The following RBL1 variants were observed in gnomAD, a reference collection of about 807,000 sequenced individuals.
RBL1 encodes RB transcriptional corepressor like 1.
In RBL1, 82 loss-of-function variants were observed where a neutral mutation model predicts 123.0. The observed-to-expected ratio is 0.67, with a 90% CI of 0.56 to 0.80. The LOEUF (loss-of-function observed/expected upper bound fraction) is 0.80, where lower values mean the gene tolerates loss of function less well. Ranked by LOEUF, RBL1 falls within the 30% of genes least tolerant of loss-of-function variation. The pLI is 0.00. For synonymous variants in RBL1, 405 were observed against 441.3 expected (o/e 0.92, Z 1.03); for missense variants, 1,171 against 1,299.6 (o/e 0.90, Z 1.52).
intron 19 of RBL1, among the ~76,000 whole-genome samples, chr20:37,013,075 G>C (rs951335406): frequency 6.6e-6 from 1 of 152,208 alleles, no homozygotes; most frequent in African/African-American, 2.4e-5. Context: ...CCACCACCCC[G>C]TCTGGGAGGT....
Position 37,061,228 on chromosome 20 carries a change from T to A in RBL1, c.1125A>T (p.Arg375Ser). ...TGACTGCTTCTTTTTCTCGTAAATATCTCCGTCCGGTCAGTGGGGTAGAAG... is the reference window on the plus strand; with the variant it reads ...TGACTGCTTCTTTTTCTCGTAAATAACTCCGTCCGGTCAGTGGGGTAGAAG... ...FAPSTPLTGRRYLREKEAVIT... is the reference protein window; with the variant it reads ...FAPSTPLTGRSYLREKEAVIT... Residue 375 changes from arginine (R) to serine (S), a missense_variant, in exon 9 of 22, where the codon AGA (arginine) becomes AGT (serine). Coordinates refer to ENST00000373664, the MANE Select transcript of RBL1 (RefSeq NM_002895.5). 6.2e-7 allele frequency: 1 copy of A among 1,614,088 alleles called. No homozygotes were observed. The highest frequency in any genetic ancestry group is 1.6e-4 in the Middle Eastern group (1 of 6,062).
intron 21 of RBL1, among the ~76,000 whole-genome samples, chr20:37,002,862 A>T (rs1335887481): frequency 2.0e-5 from 3 of 151,536 alleles, no homozygotes; most frequent in Non-Finnish European, 2.9e-5. Flanking sequence ...AGCTGAGATT[A>T]TAGGTGCGCA....
At chr20:37,091,705 A>G (rs1310044279) in intron 1 of RBL1, among the ~76,000 whole-genome samples, 2 of 151,888 alleles carry the variant, frequency 1.3e-5, no homozygotes, top group Non-Finnish European at 2.9e-5. Flanking sequence ...TAAATCTGAT[A>G]GCACAACACA....
intron 2 of RBL1, among the ~76,000 whole-genome samples, chr20:37,082,867 T>A (rs915510092): frequency 1.3e-5 from 2 of 151,998 alleles, no homozygotes; most frequent in Non-Finnish European, 2.9e-5. Flanking sequence ...CTGGGCATAG[T>A]GGCACACACC....
In RBL1 at chr20:37,080,950, G is replaced by T. The variant is rs2065439450; in HGVS notation, c.290+8039C>A. Among the ~76,000 whole-genome samples the T allele has an allele frequency of 2.0e-5, 3 of 152,158 alleles. No individual in the cohort carries two copies. In the South Asian group the frequency reaches 6.2e-4, roughly 32 times the overall value. On this transcript the variant is annotated intron_variant, in intron 2 of 21. Transcript: ENST00000373664. ...CAAGCCAAGGATCCATCATCAGACT[G>T]TTCCCATAATACCTGTATGCATTGG...
chr20:37,083,512 C>T (rs747038215), intron 2 of RBL1, among the ~76,000 whole-genome samples: 14 of 150,010 alleles, frequency 9.3e-5, no homozygotes, highest in South Asian at 2.1e-4. Flanking sequence ...ACAGGCTGGG[C>T]GCGGTGGCTC....
intron 2 of RBL1, among the ~76,000 whole-genome samples, chr20:37,072,710 A>G (rs1276143413): frequency 6.6e-6 from 1 of 152,114 alleles, no homozygotes; most frequent in Non-Finnish European, 1.5e-5. Context: ...AGAGAAGTGA[A>G]GAAGTGGTGA....
In RBL1 at chr20:37,068,193, A is replaced by T. The variant is rs1420344742; in HGVS notation, c.291-7T>A. 5 of 1,546,276 alleles carry T rather than the reference A, an allele frequency of 3.2e-6. No homozygotes were observed. The highest frequency in any genetic ancestry group is 4.3e-6 in the Non-Finnish European group (5 of 1,152,804). On this transcript the variant is annotated splice_region_variant and splice_polypyrimidine_tract_variant and intron_variant, in intron 2 of 21. Transcript: ENST00000373664. ...ACTAAAAAATTGTATTAAACTAAAA[A>T]AAAAAAGGAGGAGAAAAAAGGCACC...
At chr20:37,069,487 G>C (rs536582670) in intron 2 of RBL1, among the ~76,000 whole-genome samples, 1 of 150,438 alleles carries the variant, frequency 6.6e-6, no homozygotes, top group South Asian at 2.1e-4. Context: ...CCTCTGCCCC[G>C]CCACCCCGTC....
At chr20:37,050,461 C>T (rs549568950) in intron 11 of RBL1, among the ~76,000 whole-genome samples, 4 of 133,344 alleles carry the variant, frequency 3.0e-5, no homozygotes, top group East Asian at 2.6e-4. Context: ...AGGAGAATGG[C>T]GTGAACCTGG....
chr20:37,057,010 TAC>T (rs2065021845), intron 9 of RBL1, among the ~76,000 whole-genome samples: 1 of 109,348 alleles, frequency 9.1e-6, no homozygotes, highest in Non-Finnish European at 2.1e-5. Flanking sequence ...TCTATCTACC[TAC>T]CTACCTACCT....
intron 2 of RBL1, among the ~76,000 whole-genome samples, chr20:37,073,460 G>A (rs1307276907): frequency 6.6e-6 from 1 of 152,074 alleles, no homozygotes; most frequent in South Asian, 2.1e-4. Flanking sequence ...CACTTTGGGT[G>A]ACTGAGGTGG....
At chr20:37,005,150 T>C (rs893393608) in intron 20 of RBL1, among the ~76,000 whole-genome samples, 2 of 152,094 alleles carry the variant, frequency 1.3e-5, no homozygotes, top group Admixed American at 1.3e-4. Context: ...GGCTCATGCC[T>C]GTAATCCCAA....
intron 21 of RBL1, among the ~76,000 whole-genome samples, chr20:37,000,168 C>T (rs2063944172): frequency 1.3e-5 from 2 of 148,342 alleles, no homozygotes; most frequent in African/African-American, 2.5e-5. Context: ...AGGAGACCCT[C>T]TGCCTGGCAA....
At chr20:37,023,693 C>G (rs771467523) in intron 16 of RBL1, among the ~76,000 whole-genome samples, 1 of 151,716 alleles carries the variant, frequency 6.6e-6, no homozygotes, top group Non-Finnish European at 1.5e-5. Context: ...TTCCCTGGCC[C>G]TAGATCCTGC....
intron 19 of RBL1, among the ~76,000 whole-genome samples, chr20:37,011,958 C>T (rs1401467666): frequency 2.0e-5 from 3 of 152,254 alleles, no homozygotes. Flanking sequence ...GCCATCTCGG[C>T]TCACTGCAAC....
intron 18 of RBL1, 64 bp downstream of exon 18, chr20:37,020,595 T>C (rs923171592): frequency 9.0e-7 from 1 of 1,108,326 alleles, no homozygotes; most frequent in Non-Finnish European, 1.3e-6. Context: ...TTACCTTTTA[T>C]ATAACTTGTC....
At chr20:37,032,913 T>C (rs1367381562) in intron 15 of RBL1, 37 bp from the exon 16 acceptor site, 4 of 1,609,274 alleles carry the variant, frequency 2.5e-6, no homozygotes, top group Non-Finnish European at 2.5e-6. Flanking sequence ...AATCTGCATA[T>C]GTTCTAGGAA....
At chr20:37,088,472 A>G (rs2065589155) in intron 2 of RBL1, among the ~76,000 whole-genome samples, 1 of 152,166 alleles carries the variant, frequency 6.6e-6, no homozygotes, top group Non-Finnish European at 1.5e-5. Flanking sequence ...AAGTATAGCT[A>G]AAGATTCAAC....
Sources: gnomAD v4.1 joint callset for allele counts (sites outside exome capture counted in the v4.1 genomes callset) on GRCh38, gnomAD v4.1.1 for gene constraint, MANE v1.5 for transcripts, NCBI Gene and HGNC (gene_info 2026-07-23, HGNC 2026-07-21) for gene names.